Variants in SV2C observed in about 807,000 individuals in gnomAD.
SV2C encodes the protein solute carrier family 22 member B3.
A neutral mutation model predicts 79.7 loss-of-function variants in SV2C; 49 were observed. That is an observed-to-expected ratio of 0.61 (90% confidence interval 0.49 to 0.78). SV2C has a LOEUF of 0.78. SV2C is among the 30% of genes least tolerant of loss of function. The probability of loss-of-function intolerance (pLI) is 0.00; values close to 1 mark genes in which losing one functional copy is unlikely to be tolerated. For missense variants in SV2C, 833 were observed against 912.9 expected (o/e 0.91, Z 1.13); for synonymous variants, 334 against 333.2 (o/e 1.00, Z -0.03).
chr5:76,114,484 G>C (rs911746331), intron 1 of SV2C, among the ~76,000 whole-genome samples: 2 of 152,218 alleles, frequency 1.3e-5, no homozygotes, highest in African/African-American at 4.8e-5. Context: ...ATCTATGAGA[G>C]TTTCCTGAGG....
At chr5:75,954,313 T>C in the SV2C span, among the ~76,000 whole-genome samples, 1 of 152,080 alleles carries the variant, frequency 6.6e-6, no homozygotes, top group African/African-American at 2.4e-5. Flanking sequence ...GGGAAAGGTA[T>C]GAAAGCTGAA....
the SV2C span, chr5:75,910,975 A>G: frequency 3.2e-6 from 3 of 927,164 alleles, no homozygotes; most frequent in African/African-American, 4.8e-5. Context: ...CCCCAGTTCG[A>G]ACATCTATGG....
At chr5:76,166,661 T>C (rs1321926667) in intron 2 of SV2C, among the ~76,000 whole-genome samples, 1 of 152,200 alleles carries the variant, frequency 6.6e-6, no homozygotes, top group Non-Finnish European at 1.5e-5. Context: ...AAATTTTTTA[T>C]TGAAGTATTT....
At chr5:76,300,593 G>A (rs888783750) in intron 10 of SV2C, 136 bp from the exon 11 acceptor site, 9 of 834,160 alleles carry the variant, frequency 1.1e-5, no homozygotes, top group Non-Finnish European at 1.7e-5. Context: ...GACCCAAAAA[G>A]TCAAGCTAGC....
chr5:76,224,883 G>A (rs1326270280), intron 4 of SV2C, among the ~76,000 whole-genome samples: 4 of 152,158 alleles, frequency 2.6e-5, no homozygotes, highest in Non-Finnish European at 4.4e-5. Flanking sequence ...AGGCATTGAT[G>A]TTAAATTACC....
At chr5:75,973,322 T>C in the SV2C span, among the ~76,000 whole-genome samples, 8 of 150,514 alleles carry the variant, frequency 5.3e-5, no homozygotes, top group South Asian at 2.2e-4. Context: ...ACTTAAAGTA[T>C]AATAATAATA....
chr5:76,346,744 T>C (rs946844873), intron 12 of SV2C, among the ~76,000 whole-genome samples: 1 of 152,312 alleles, frequency 6.6e-6, no homozygotes, highest in African/African-American at 2.4e-5. Flanking sequence ...AATGAATAAA[T>C]GAATGAAAAA....
At chr5:76,196,209 A>C (rs754232203) in intron 3 of SV2C, among the ~76,000 whole-genome samples, 16 of 152,222 alleles carry the variant, frequency 1.1e-4, no homozygotes, top group Non-Finnish European at 1.8e-4. Context: ...CCTATGCTAC[A>C]TTCTGCACAC....
intron 1 of SV2C, among the ~76,000 whole-genome samples, chr5:76,102,473 A>C (rs1325477902): frequency 6.6e-6 from 1 of 152,082 alleles, no homozygotes; most frequent in Non-Finnish European, 1.5e-5. Context: ...CAATTACTCT[A>C]TGTTGTGAAT....
intron 4 of SV2C, among the ~76,000 whole-genome samples, chr5:76,267,578 T>C (rs1017430224): frequency 6.6e-6 from 1 of 152,338 alleles, no homozygotes. Context: ...TAGCAGGATT[T>C]AGCAGAGTAT....
chr5:76,105,870 T>C (rs1376612018), intron 1 of SV2C, among the ~76,000 whole-genome samples: 1 of 152,124 alleles, frequency 6.6e-6, no homozygotes. Context: ...AGCTTTCCTG[T>C]GATCCGGGGA....
the SV2C span, among the ~76,000 whole-genome samples, chr5:76,049,024 A>AAAGAG: frequency 0.05 from 5,982 of 120,534 alleles, 423 homozygotes; most frequent in Admixed American, 0.067. Flanking sequence ...AGAAAGAAAG[A>AAAGAG]AAAAGAAAAG....
intron 12 of SV2C, among the ~76,000 whole-genome samples, chr5:76,323,585 A>G (rs1463288912): frequency 6.6e-6 from 1 of 152,356 alleles, no homozygotes; most frequent in East Asian, 1.9e-4. Context: ...ACACATACAC[A>G]TGAATGTTTA....
At chr5:75,851,475 G>A in the SV2C span, among the ~76,000 whole-genome samples, 688 of 152,232 alleles carry the variant, frequency 4.5e-3, 3 homozygotes, top group Non-Finnish European at 7.3e-3. Context: ...TGGCTTTTTC[G>A]CCCATGGTAA....
intron 4 of SV2C, among the ~76,000 whole-genome samples, chr5:76,224,711 T>C (rs2112385980): frequency 6.6e-6 from 1 of 152,250 alleles, no homozygotes. Flanking sequence ...TCCTTTTTCT[T>C]CCATATCTAG....
At chr5:76,260,092 C>A (rs951848775) in intron 4 of SV2C, among the ~76,000 whole-genome samples, 1 of 152,236 alleles carries the variant, frequency 6.6e-6, no homozygotes, top group Admixed American at 6.5e-5. Flanking sequence ...TTCTCCACAT[C>A]CTCTCCAGCA....
At chr5:75,911,066 G>T in the SV2C span, 1 of 1,272,822 alleles carries the variant, frequency 7.9e-7, no homozygotes, top group South Asian at 1.2e-5. Flanking sequence ...AACAACTGAA[G>T]ATCTGGAACC....
the SV2C span, among the ~76,000 whole-genome samples, chr5:75,958,672 A>G: frequency 2.0e-5 from 3 of 152,024 alleles, no homozygotes; most frequent in African/African-American, 4.8e-5. Flanking sequence ...TCTCAAATAT[A>G]GATTTCTAAT....
At chr5:76,218,365 T>C (rs1344421865) in intron 4 of SV2C, among the ~76,000 whole-genome samples, 2 of 152,118 alleles carry the variant, frequency 1.3e-5, no homozygotes, top group East Asian at 3.8e-4. Context: ...CAAATGCCCA[T>C]CAATGGTAGA....
Sources: allele counts gnomAD v4.1 joint callset (sites outside exome capture counted in the v4.1 genomes callset), GRCh38; gene constraint gnomAD v4.1.1; transcripts MANE v1.5; gene names NCBI Gene and HGNC (gene_info 2026-07-23, HGNC 2026-07-21).